The following CTSC variants were observed in gnomAD, a reference collection of about 807,000 sequenced individuals.
CTSC encodes the protein dipeptidyl peptidase 1.
Under a neutral mutation model 40.9 loss-of-function variants are expected in CTSC, and 37 were observed. The observed-to-expected ratio is 0.91, with a 90% CI of 0.70 to 1.19. CTSC has a LOEUF of 1.19. Ranked by LOEUF, CTSC falls within the 50% of genes most tolerant of loss-of-function variation. CTSC has a pLI of 0.00. For missense variants in CTSC, 594 were observed against 567.3 expected (o/e 1.05, Z -0.48); for synonymous variants, 232 against 207.4 (o/e 1.12, Z -1.02).
At position 88,295,983 on chromosome 11, in the gene CTSC, T is replaced by C. The variant is rs191121757; in HGVS notation, c.889+150A>G. 1.6e-4 allele frequency: 132 copies of C among 815,298 alleles called. 1 individual carries two copies. Among genetic ancestry groups the C allele is most frequent in the Middle Eastern group, 3.3e-4 (1 of 3,058 alleles). 50.5% of individuals were successfully genotyped at this position (815,298 alleles called of 1,614,324 possible). A position where few individuals can be genotyped will look rare whatever the true frequency, so the allele number is the denominator to read the frequency against. On this transcript the variant is annotated intron_variant, in intron 6 of 6. Transcript: ENST00000227266. ...AGTAAATTCCATGAGCAATCATCCA[T>C]TAATAAGTGATAGGGCCAGACTTGC...
At chr11:88,309,036 G>A (rs1047777062) in intron 4 of CTSC, 127 bp downstream of exon 4, 18 of 775,622 alleles carry the variant, frequency 2.3e-5, no homozygotes, top group Non-Finnish European at 4.0e-5. Context: ...ATCGTTAACA[G>A]ATCACATAAA....
At chr11:88,336,774 T>G (rs895879249) in intron 1 of CTSC, among the ~76,000 whole-genome samples, 1 of 152,042 alleles carries the variant, frequency 6.6e-6, no homozygotes, top group Non-Finnish European at 1.5e-5. Flanking sequence ...CTTCACTAGG[T>G]TCTTTGTTCT....
intron 2 of CTSC, among the ~76,000 whole-genome samples, chr11:88,314,968 A>G (rs995499360): frequency 6.6e-6 from 1 of 152,246 alleles, no homozygotes; most frequent in Non-Finnish European, 1.5e-5. Context: ...GACCCAGGAC[A>G]TTGTTGGGCA....
chr11:88,329,899 G>A (rs1276536250), intron 2 of CTSC, among the ~76,000 whole-genome samples: 2 of 152,130 alleles, frequency 1.3e-5, no homozygotes, highest in African/African-American at 4.8e-5. Flanking sequence ...GCTAATTTTT[G>A]TATTTTTAGT....
Position 88,312,486 on chromosome 11 carries a change from C to G in CTSC, c.387G>C (p.Val129=). The change falls in exon 3 of 7, where the codon GTG becomes GTC. Residue 129 remains valine (V), a synonymous_variant. Coordinates refer to ENST00000227266, the MANE Select transcript of CTSC (RefSeq NM_001814.6). ...NETMTGWVHD[V]LGRNWACFTG... ...TGAAACAAGCCCAGTTCCGGCCCAACACATCATGCACCCACCCAGTCATTG... is the reference window on the plus strand; with the variant it reads ...TGAAACAAGCCCAGTTCCGGCCCAAGACATCATGCACCCACCCAGTCATTG... 1 of 1,614,212 alleles carries G rather than the reference C, an allele frequency of 6.2e-7. No homozygotes were observed. Among genetic ancestry groups the G allele is most frequent in the Non-Finnish European group, 8.5e-7 (1 of 1,180,038 alleles).
At chr11:88,328,134 CAA>C in intron 2 of CTSC, 1 of 1,613,180 alleles carries the variant, frequency 6.2e-7, no homozygotes, top group Non-Finnish European at 8.5e-7. Context: ...TCAGATGTGG[CAA>C]ATCATATATC....
intron 4 of CTSC, among the ~76,000 whole-genome samples, chr11:88,304,442 A>G (rs1445772747): frequency 6.6e-6 from 1 of 152,146 alleles, no homozygotes; most frequent in African/African-American, 2.4e-5. Context: ...CCTTTTTTCT[A>G]CCATCCTATA....
intron 6 of CTSC, 60 bp from the exon 7 acceptor site, chr11:88,294,568 A>G (rs1944278512): frequency 1.3e-6 from 2 of 1,591,020 alleles, no homozygotes; most frequent in South Asian, 2.2e-5. Context: ...CCCATTTTCT[A>G]TTTTTTCTTC....
intron 3 of CTSC, among the ~76,000 whole-genome samples, chr11:88,311,527 A>G (rs1383992081): frequency 6.6e-6 from 1 of 152,212 alleles, no homozygotes; most frequent in Non-Finnish European, 1.5e-5. Context: ...ATAAAGTCTA[A>G]TTTGAAATCT....
intron 2 of CTSC, chr11:88,321,513 A>G (rs1221491520): frequency 6.6e-6 from 1 of 152,042 alleles, no homozygotes; most frequent in African/African-American, 2.4e-5. Context: ...GCTCCCACTT[A>G]TAAGTGAGAA....
chr11:88,317,491 A>G (rs1304499348), intron 2 of CTSC, among the ~76,000 whole-genome samples: 1 of 152,200 alleles, frequency 6.6e-6, no homozygotes, highest in Non-Finnish European at 1.5e-5. Context: ...AAAAGTACAG[A>G]GCTGCAATGC....
chr11:88,296,239 A>G lies in CTSC; in HGVS notation c.783T>C (p.Phe261=). The change falls in exon 6 of 7, where the codon TTT becomes TTC. Residue 261 remains phenylalanine, a synonymous_variant. Transcript: ENST00000227266. ...TCGCTTCTAGCATACCCATAGAAGC[A>G]AATGAGTAGCAGCTGCCACAGGATG... ...NQASCGSCYS[F]ASMGMLEARI... is the part of the protein sequence containing the mutation. The G allele has an allele frequency of 6.2e-7, 1 of 1,614,092 alleles. No homozygotes were observed. The highest frequency in any genetic ancestry group is 1.1e-5 in the South Asian group (1 of 91,082).
Position 88,300,638 on chromosome 11 carries a change from G to A in CTSC, c.649C>T (p.Pro217Ser), listed in dbSNP as rs969558098. Residue 217 changes from proline (P) to serine (S), a missense_variant, in exon 5 of 7, where the codon CCT (proline) becomes TCT (serine). Coordinates refer to ENST00000227266, the MANE Select transcript of CTSC (RefSeq NM_001814.6). The part of the protein sequence containing the change: ...GHSRKIPRPK[P>S]APLTAEIQQK... ...TGTATTTCAGCAGTCAGTGGTGCAG[G>A]TTTGGGCCTAGAAAGGAAATATACA... The A allele has an allele frequency of 6.2e-7, 1 of 1,607,476 alleles. No individual in the cohort carries two copies. The highest frequency in any genetic ancestry group is 2.2e-5 in the East Asian group (1 of 44,838).
intron 2 of CTSC, chr11:88,326,593 T>G: frequency 3.0e-6 from 2 of 658,910 alleles, no homozygotes; most frequent in Admixed American, 2.7e-5. Flanking sequence ...TGTTAAGACA[T>G]TCACAGGAAA....
rs796589919 is a variant in CTSC at position 88,337,421 on chromosome 11, A to G, written c.172+80T>C. The G allele has an allele frequency of 3.5e-5, 48 of 1,389,940 alleles. 1 individual carries two copies. In the African/African-American group the frequency reaches 6.3e-4, roughly 18 times the overall value. 86.1% of individuals were successfully genotyped at this position (1,389,940 alleles called of 1,614,324 possible). A position where few individuals can be genotyped will look rare whatever the true frequency, so the allele number is the denominator to read the frequency against. On this transcript the variant is annotated intron_variant, in intron 1 of 6. Transcript: ENST00000227266. ...ACCCACAAGCGTCTGCCTGGGGGGA[A>G]GCGGTAGTTGGCGTGGCGCTGCGTT... is the stretch of plus-strand genomic sequence containing the variant.
rs1938546841 is a variant in CTSC at position 88,337,709 on chromosome 11, A to C, written c.-37T>G. 1.3e-6 allele frequency: 2 copies of C among 1,551,816 alleles called. No individual in the cohort carries two copies. The highest frequency in any genetic ancestry group is 1.2e-5 in the South Asian group (1 of 84,196). On this transcript the variant is annotated 5_prime_UTR_variant, in exon 1 of 7. Transcript: ENST00000227266. The stretch of plus-strand genomic sequence containing the variant: ...CTGAGAAAAGAGGTGAAGAATTACC[A>C]GGAAGCCGAGCGCTGCGGGCTAGCG...
At chr11:88,297,626 G>A (rs976249744) in intron 5 of CTSC, 1 of 152,126 alleles carries the variant, frequency 6.6e-6, no homozygotes, top group African/African-American at 2.4e-5. Context: ...CGATCACTGT[G>A]GGAGGCACAG....
At chr11:88,301,147 A>G (rs1362952897) in intron 4 of CTSC, among the ~76,000 whole-genome samples, 2 of 152,174 alleles carry the variant, frequency 1.3e-5, no homozygotes, top group African/African-American at 2.4e-5. Flanking sequence ...GGCAGGGAAC[A>G]TAAGGCCAAT....
intron 3 of CTSC, among the ~76,000 whole-genome samples, chr11:88,311,591 T>C (rs1203796451): frequency 2.0e-5 from 3 of 152,248 alleles, no homozygotes; most frequent in Admixed American, 2.0e-4. Context: ...AAACATTAAC[T>C]GCAGTTTATA....
Sources: allele counts gnomAD v4.1 joint callset (sites outside exome capture counted in the v4.1 genomes callset), GRCh38; gene constraint gnomAD v4.1.1; transcripts MANE v1.5; gene names NCBI Gene and HGNC (gene_info 2026-07-23, HGNC 2026-07-21).